Variants in HDAC9 observed in about 807,000 individuals in gnomAD.
The protein encoded by HDAC9 is MEF-2 interacting transcription repressor (MITR) protein.
In HDAC9, 41 loss-of-function variants were observed where a neutral mutation model predicts 139.4. The ratio of observed to expected loss-of-function variants is 0.29; its 90% confidence interval spans 0.23 to 0.38. The LOEUF (loss-of-function observed/expected upper bound fraction) is 0.38. Ranked by LOEUF, HDAC9 falls within the 10% of genes least tolerant of loss-of-function variation. The probability of loss-of-function intolerance (pLI) is 1.00; values close to 1 mark genes in which losing one functional copy is unlikely to be tolerated. For synonymous variants in HDAC9, 517 were observed against 476.2 expected, an observed-to-expected ratio of 1.09 and a Z score of -1.12; for missense variants, 1,147 against 1,297.0, an observed-to-expected ratio of 0.88 and a Z score of 1.78.
chr7:18,346,362 CTA>C (rs760542382), intron 1 of HDAC9, among the ~76,000 whole-genome samples: 5 of 152,094 alleles, frequency 3.3e-5, no homozygotes, highest in Non-Finnish European at 7.4e-5. Flanking sequence ...ATCTTTATGA[CTA>C]TTTTTATGAG....
intron 2 of HDAC9, among the ~76,000 whole-genome samples, chr7:18,282,004 T>C (rs771901850): frequency 1.8e-4 from 28 of 152,192 alleles, no homozygotes; most frequent in Non-Finnish European, 4.1e-4. Flanking sequence ...AATAGGATTA[T>C]GGATCTTAAA....
At chr7:18,718,350 G>T (rs1784868346) in intron 12 of HDAC9, among the ~76,000 whole-genome samples, 1 of 152,134 alleles carries the variant, frequency 6.6e-6, no homozygotes, top group South Asian at 2.1e-4. Flanking sequence ...TCCTGCCTCG[G>T]CCTCCCAAGT....
chr7:18,909,803 C>T (rs1182694642), intron 22 of HDAC9, among the ~76,000 whole-genome samples: 1 of 151,882 alleles, frequency 6.6e-6, no homozygotes, highest in Admixed American at 6.6e-5. Flanking sequence ...CTCTTCTATT[C>T]CACTGATCTA....
At chr7:18,319,766 A>T (rs1219653286) in intron 1 of HDAC9, among the ~76,000 whole-genome samples, 1 of 152,252 alleles carries the variant, frequency 6.6e-6, no homozygotes, top group African/African-American at 2.4e-5. Flanking sequence ...ATATTATTGA[A>T]ATTATTGAAG....
At chr7:18,806,380 C>T (rs909088907) in intron 17 of HDAC9, among the ~76,000 whole-genome samples, 1 of 152,110 alleles carries the variant, frequency 6.6e-6, no homozygotes, top group African/African-American at 2.4e-5. Flanking sequence ...AATTCCTTTC[C>T]TTGTGGTCGT....
At chr7:18,088,476 G>A (rs1282382295) in intron 1 of HDAC9, among the ~76,000 whole-genome samples, 3 of 151,908 alleles carry the variant, frequency 2.0e-5, no homozygotes, top group Non-Finnish European at 4.4e-5. Context: ...CATATTAAAG[G>A]AAAAAAACAT....
intron 12 of HDAC9, 92 bp downstream of exon 12, chr7:18,666,568 C>T: frequency 6.6e-7 from 1 of 1,520,172 alleles, no homozygotes; most frequent in Non-Finnish European, 8.8e-7. Flanking sequence ...GATATGATTT[C>T]CTATCAGTTT....
At position 18,780,156 on chromosome 7, in the gene HDAC9, T is replaced by C. The variant is rs1368058966; in HGVS notation, c.2214+13001T>C. On this transcript the variant is annotated intron_variant, in intron 16 of 25. Coordinates refer to ENST00000686413, the MANE Select transcript of HDAC9 (RefSeq NM_178425.4). ...GACCACATTTTGAGTGGTAAGATCC[T>C]GTAAGACCATGGACTCACAAATCAT... Among the ~76,000 whole-genome samples, 14 of 152,146 alleles carry C rather than the reference T, an allele frequency of 9.2e-5. No homozygotes were observed. In the East Asian group the frequency reaches 1.4e-3, roughly 15 times the overall value.
chr7:18,358,459 A>T (rs530116793), intron 1 of HDAC9, among the ~76,000 whole-genome samples: 1 of 152,218 alleles, frequency 6.6e-6, no homozygotes. Context: ...GATTTTGGAA[A>T]CATGAATATC....
intron 1 of HDAC9, among the ~76,000 whole-genome samples, chr7:18,149,107 C>T (rs1297701310): frequency 6.6e-6 from 1 of 152,074 alleles, no homozygotes; most frequent in African/African-American, 2.4e-5. Context: ...GATTATAAGA[C>T]TTTAAGATGT....
upstream of HDAC9, among the ~76,000 whole-genome samples, chr7:18,492,614 T>C (rs554092127): frequency 1.1e-3 from 171 of 152,106 alleles, no homozygotes; most frequent in African/African-American, 3.9e-3. Context: ...TTGAATTTGT[T>C]ACATTGAAAC....
chr7:18,431,920 A>G (rs569629499), intron 1 of HDAC9, among the ~76,000 whole-genome samples: 7 of 152,302 alleles, frequency 4.6e-5, no homozygotes, highest in Admixed American at 4.6e-4. Context: ...CATTGCCTAC[A>G]TGAGAAAGTC....
chr7:18,454,126 C>T (rs1269997361), intron 1 of HDAC9, among the ~76,000 whole-genome samples: 2 of 151,962 alleles, frequency 1.3e-5, no homozygotes, highest in East Asian at 3.9e-4. Flanking sequence ...TAAAAGCCAG[C>T]TTAGATGTAA....
intron 1 of HDAC9, among the ~76,000 whole-genome samples, chr7:18,113,562 T>G (rs981820783): frequency 1.3e-5 from 2 of 152,228 alleles, no homozygotes; most frequent in African/African-American, 4.8e-5. Flanking sequence ...AGGTAAAATG[T>G]TATCCAGACT....
chr7:18,094,737 T>C lies in HDAC9; in HGVS notation c.-97+7524T>C, dbSNP rs143660312. Among the ~76,000 whole-genome samples the C allele has an allele frequency of 1.6e-3, 237 of 152,306 alleles. 1 individual carries two copies. Among genetic ancestry groups the C allele is most frequent in the African/African-American group, 5.6e-3 (232 of 41,564 alleles). ...TCCCAAAGCACTAGGATTACAAATG[T>C]GAGCCACCGTGCCAGGCCCTTACAT... On this transcript the variant is annotated intron_variant, in intron 1 of 12. Transcript: ENST00000417496.
intron 1 of HDAC9, among the ~76,000 whole-genome samples, chr7:18,357,067 T>C (rs1783369090): frequency 6.6e-6 from 1 of 152,150 alleles, no homozygotes; most frequent in Admixed American, 6.6e-5. Flanking sequence ...ATTTTCCCTA[T>C]GATCATTGAA....
intron 2 of HDAC9, among the ~76,000 whole-genome samples, chr7:18,176,376 T>G (rs1485437541): frequency 6.6e-6 from 1 of 152,202 alleles, no homozygotes; most frequent in Non-Finnish European, 1.5e-5. Context: ...AAAAAAATAT[T>G]GCAAGTCATT....
intron 1 of HDAC9, among the ~76,000 whole-genome samples, chr7:18,427,205 A>G (rs1790195949): frequency 6.6e-6 from 1 of 152,148 alleles, no homozygotes. Context: ...TGTTCTCTCT[A>G]TTCCTAAATT....
intron 2 of HDAC9, among the ~76,000 whole-genome samples, chr7:18,217,440 T>C (rs1231114512): frequency 2.0e-5 from 3 of 152,238 alleles, no homozygotes; most frequent in Non-Finnish European, 2.9e-5. Flanking sequence ...TCCTTAGATA[T>C]AGTTTGTTCA....
Sources: allele counts gnomAD v4.1 joint callset (sites outside exome capture counted in the v4.1 genomes callset), GRCh38; gene constraint gnomAD v4.1.1; transcripts MANE v1.5; gene names NCBI Gene and HGNC (gene_info 2026-07-23, HGNC 2026-07-21).